The following GABRA4 variants were observed in gnomAD, a reference collection of about 807,000 sequenced individuals.
GABRA4 encodes the protein gamma-aminobutyric acid receptor subunit alpha-4.
Under a neutral mutation model 49.7 loss-of-function variants are expected in GABRA4, and 12 were observed. The observed-to-expected ratio is 0.24, with a 90% confidence interval of 0.15 to 0.39. The LOEUF (loss-of-function observed/expected upper bound fraction) is 0.39. Ranked by LOEUF, GABRA4 falls within the 10% of genes least tolerant of loss-of-function variation. The pLI is 1.00. For missense variants in GABRA4, 506 were observed against 686.0 expected (o/e 0.74, Z 2.93); for synonymous variants, 288 against 240.2 (o/e 1.20, Z -1.84).
intron 8 of GABRA4, among the ~76,000 whole-genome samples, chr4:46,961,034 G>A (rs894203990): frequency 6.6e-6 from 1 of 151,676 alleles, no homozygotes; most frequent in Non-Finnish European, 1.5e-5. Flanking sequence ...TATGGGGAAT[G>A]GGAAAGAAAA....
intron 8 of GABRA4, among the ~76,000 whole-genome samples, chr4:46,961,565 G>A (rs992739670): frequency 6.6e-6 from 1 of 151,800 alleles, no homozygotes; most frequent in Non-Finnish European, 1.5e-5. Flanking sequence ...GCACAAAGTT[G>A]GCACAAATGT....
At chr4:46,957,078 T>C (rs1020703734) in intron 8 of GABRA4, among the ~76,000 whole-genome samples, 3 of 152,032 alleles carry the variant, frequency 2.0e-5, no homozygotes, top group Non-Finnish European at 4.4e-5. Context: ...ACAGATACTA[T>C]TTACTGGTCA....
At chr4:46,929,522 C>A (rs760008246) in intron 8 of GABRA4, among the ~76,000 whole-genome samples, 1 of 151,968 alleles carries the variant, frequency 6.6e-6, no homozygotes, top group East Asian at 1.9e-4. Flanking sequence ...TGCTTTTCAG[C>A]AAATTATTTT....
At chr4:46,936,037 A>G (rs879762949) in intron 8 of GABRA4, among the ~76,000 whole-genome samples, 3 of 152,172 alleles carry the variant, frequency 2.0e-5, no homozygotes, top group Admixed American at 1.3e-4. Flanking sequence ...AGCAATAACA[A>G]CAACAGCCAA....
At chr4:46,982,042 A>G (rs1723373901) in intron 2 of GABRA4, among the ~76,000 whole-genome samples, 1 of 152,128 alleles carries the variant, frequency 6.6e-6, no homozygotes, top group Non-Finnish European at 1.5e-5. Context: ...ACCAGAGTAC[A>G]GTGGATAGAA....
At position 46,934,306 on chromosome 4, in the gene GABRA4, T is replaced by C. The variant is rs374477173; in HGVS notation, c.1135-5551A>G. 7.9e-5 allele frequency among the ~76,000 whole-genome samples: 12 copies of C among 152,272 alleles called. No homozygotes were observed. The East Asian group carries it at 1.7e-3, about 22-fold the overall frequency. ...TGGGTAAGCCACACATCTTATTTAA[T>C]AGGGAAATAAACAAATGTGGTAGAG... On this transcript the variant is annotated intron_variant, in intron 8 of 8. Coordinates refer to ENST00000264318, the MANE Select transcript of GABRA4 (RefSeq NM_000809.4).
chr4:46,928,725 T>C lies in GABRA4; in HGVS notation c.1165A>G (p.Arg389Gly). 6.2e-7 allele frequency: 1 copy of C among 1,611,334 alleles called. No individual in the cohort carries two copies. The highest frequency in any genetic ancestry group is 1.1e-5 in the South Asian group (1 of 90,788). Residue 389 changes from arginine (R) to glycine (G), a missense_variant, in exon 9 of 9, where the codon AGA becomes GGA. Arg to Gly is a moderately radical substitution (Grantham distance 125). Around this residue, in one of 5 missense-constraint regions of GABRA4, gnomAD observed 243 missense variants for 210.8 expected, o/e 1.15. Coordinates refer to ENST00000264318, the MANE Select transcript of GABRA4 (RefSeq NM_000809.4). ...NTNANLNMRK[R>G]TNALVHSESD... ...TCAGAGTGAACCAAAGCATTTGTTCTTTTTCTCATGTTCAAATTGGCATTT... is the reference window on the plus strand; with the variant it reads ...TCAGAGTGAACCAAAGCATTTGTTCCTTTTCTCATGTTCAAATTGGCATTT...
In GABRA4 at chr4:46,924,022, G is replaced by A. The variant is rs1413304236; in HGVS notation, c.*4203C>T. ...GTTTGTTTGTGGAAGTGGGAATGGA[G>A]GCTATAAGAACTCCAAATCATTCTA... On this transcript the variant is annotated 3_prime_UTR_variant, in exon 9 of 9. Transcript: ENST00000264318. The A allele has an allele frequency of 3.3e-5, 5 of 152,036 alleles. No individual in the cohort carries two copies. The highest frequency in any genetic ancestry group is 1.2e-4 in the African/African-American group (5 of 41,412). The allele number at this position is 152,036 out of a possible 1,614,324, so 9.4% of individuals were successfully genotyped here.
At chr4:46,947,737 T>A (rs1230027805) in intron 8 of GABRA4, among the ~76,000 whole-genome samples, 4 of 152,068 alleles carry the variant, frequency 2.6e-5, no homozygotes, top group Non-Finnish European at 5.9e-5. Context: ...GAGTCATTAT[T>A]TGAACTTGGT....
At position 46,926,196 on chromosome 4, in the gene GABRA4, T is replaced by C. The variant is rs1721225212; in HGVS notation, c.*2029A>G. Reference sequence around the variant, plus strand: ...CTCTGAATAACTAGTAGCGAATGAATTGTGCTTCCAACCATATTTCCAAAC... The same window carrying C: ...CTCTGAATAACTAGTAGCGAATGAACTGTGCTTCCAACCATATTTCCAAAC... On this transcript the variant is annotated 3_prime_UTR_variant, in exon 9 of 9. Coordinates refer to ENST00000264318, the MANE Select transcript of GABRA4 (RefSeq NM_000809.4). 1 of 151,970 alleles carries C rather than the reference T, an allele frequency of 6.6e-6. No individual in the cohort carries two copies. Among genetic ancestry groups the C allele is most frequent in the South Asian group, 2.1e-4 (1 of 4,830 alleles). 9.4% of individuals were successfully genotyped at this position (151,970 alleles called of 1,614,324 possible). A position where few individuals can be genotyped will look rare whatever the true frequency, so the allele number is the denominator to read the frequency against.
At chr4:46,953,288 G>T (rs1176729140) in intron 8 of GABRA4, among the ~76,000 whole-genome samples, 2 of 151,994 alleles carry the variant, frequency 1.3e-5, no homozygotes, top group Non-Finnish European at 2.9e-5. Context: ...AGCTCAGCAT[G>T]CTTCTTTGTA....
In GABRA4 at chr4:46,988,242, A is replaced by C. The variant is rs186586708; in HGVS notation, c.205+4586T>G. 2.2e-3 allele frequency among the ~76,000 whole-genome samples: 337 copies of C among 152,048 alleles called. 2 individuals are homozygous for C. The highest frequency in any genetic ancestry group is 0.017 in the Middle Eastern group (5 of 294). On this transcript the variant is annotated intron_variant, in intron 2 of 8. Transcript: ENST00000264318. The stretch of plus-strand genomic sequence containing the variant: ...TATTAGATTATCTCATAGCATTTTC[A>C]TGTAATTATTTTATTATTTCTTTGT...
intron 2 of GABRA4, among the ~76,000 whole-genome samples, chr4:46,991,724 C>CGTTACTTATCTTTCT (rs1723752088): frequency 6.6e-6 from 1 of 152,178 alleles, no homozygotes; most frequent in East Asian, 1.9e-4. Context: ...AACTTGGACT[C>CGTTACTTATCTTTCT]AATTTCCTTA....
intron 8 of GABRA4, among the ~76,000 whole-genome samples, chr4:46,940,860 A>G (rs1402433526): frequency 1.3e-5 from 2 of 152,132 alleles, no homozygotes; most frequent in Non-Finnish European, 2.9e-5. Flanking sequence ...AAAAACATTC[A>G]ACGTTTAACA....
chr4:46,956,684 C>T (rs149465652), intron 8 of GABRA4, among the ~76,000 whole-genome samples: 224 of 152,020 alleles, frequency 1.5e-3, no homozygotes, highest in African/African-American at 4.8e-3. Flanking sequence ...AATCCTGCTG[C>T]GGCTCACCAC....
At position 46,921,220 on chromosome 4, in the gene GABRA4, T is replaced by G. The variant is rs1455264650; in HGVS notation, c.*7005A>C. The G allele has an allele frequency of 6.6e-6, 1 of 151,872 alleles. No individual in the cohort carries two copies. Among genetic ancestry groups the G allele is most frequent in the African/African-American group, 2.4e-5 (1 of 41,440 alleles). The allele number at this position is 151,872 out of a possible 1,614,324, so 9.4% of individuals were successfully genotyped here. A position where few individuals can be genotyped will look rare whatever the true frequency, so the allele number is the denominator to read the frequency against. The stretch of plus-strand genomic sequence containing the variant: ...AAAAATTTTCCATTAAATGTATCGT[T>G]ATCCAAAAAGAAATTAAAAACGTTT... On this transcript the variant is annotated 3_prime_UTR_variant, in exon 9 of 9. Coordinates refer to ENST00000264318, the MANE Select transcript of GABRA4 (RefSeq NM_000809.4).
At chr4:46,989,619 G>A (rs1277914263) in intron 2 of GABRA4, among the ~76,000 whole-genome samples, 1 of 152,174 alleles carries the variant, frequency 6.6e-6, no homozygotes, top group Non-Finnish European at 1.5e-5. Context: ...TTAAAAATAT[G>A]TAATTTAGTT....
Position 46,921,048 on chromosome 4 carries a change from A to T in GABRA4, c.*7177T>A, listed in dbSNP as rs1426582992. On this transcript the variant is annotated 3_prime_UTR_variant, in exon 9 of 9. Transcript: ENST00000264318. ...TTCCTTTGCATAGTTCCATTTTTCC[A>T]TTTTGAAGTGGAGATGTTTGTCTCT... 2.0e-5 allele frequency: 3 copies of T among 151,630 alleles called. No homozygotes were observed. Among genetic ancestry groups the T allele is most frequent in the Admixed American group, 6.6e-5 (1 of 15,202 alleles). 9.4% of individuals were successfully genotyped at this position (151,630 alleles called of 1,614,324 possible). A position where few individuals can be genotyped will look rare whatever the true frequency, so the allele number is the denominator to read the frequency against.
At chr4:46,965,302 A>G in intron 7 of GABRA4, 73 bp from the exon 8 acceptor site, 1 of 1,248,690 alleles carries the variant, frequency 8.0e-7, no homozygotes, top group Non-Finnish European at 1.1e-6. Flanking sequence ...CACCACCAAC[A>G]AAAACCTAGA....
Sources: gnomAD v4.1 joint callset for allele counts (sites outside exome capture counted in the v4.1 genomes callset) on GRCh38, gnomAD v4.1.1 for gene constraint, gnomAD v4.1.1 regional missense constraint, MANE v1.5 for transcripts, NCBI Gene and HGNC (gene_info 2026-07-23, HGNC 2026-07-21) for gene names.